PACRG: variants seen among roughly 807,000 people sequenced by gnomAD.
PACRG encodes parkin coregulated.
In PACRG, 29 loss-of-function variants were observed where a neutral mutation model predicts 29.7. The ratio of observed to expected loss-of-function variants is 0.98; its 90% CI spans 0.73 to 1.33. The LOEUF is 1.33. Among genes scored for constraint, PACRG ranks in the 40% most tolerant of loss-of-function variants. The probability of loss-of-function intolerance (pLI) is 0.00; values close to 1 mark genes in which losing one functional copy is unlikely to be tolerated. For missense variants in PACRG, 279 were observed against 316.2 expected (o/e 0.88, Z 0.89); for synonymous variants, 116 against 118.7 (o/e 0.98, Z 0.15).
intron 4 of PACRG, among the ~76,000 whole-genome samples, chr6:163,127,709 A>G (rs1210001447): frequency 6.6e-6 from 1 of 152,196 alleles, no homozygotes; most frequent in Non-Finnish European, 1.5e-5. Flanking sequence ...CTTTATCTTT[A>G]CATTTACAGA....
intron 2 of PACRG, among the ~76,000 whole-genome samples, chr6:162,971,699 G>C (rs913468297): frequency 6.6e-6 from 1 of 152,128 alleles, no homozygotes. Context: ...ATGGAATAAG[G>C]TTTTTAATAT....
chr6:162,822,280 T>C (rs972508679), intron 2 of PACRG, among the ~76,000 whole-genome samples: 2 of 151,964 alleles, frequency 1.3e-5, no homozygotes, highest in Non-Finnish European at 2.9e-5. Context: ...CAAAGCTCCA[T>C]GTTAGCAGGG....
chr6:162,884,699 A>G (rs1584652652), intron 2 of PACRG, among the ~76,000 whole-genome samples: 1 of 152,066 alleles, frequency 6.6e-6, no homozygotes, highest in South Asian at 2.1e-4. Flanking sequence ...CCTGAAATAT[A>G]AAATAACAGT....
intron 2 of PACRG, among the ~76,000 whole-genome samples, chr6:162,835,509 G>A (rs950130425): frequency 1.7e-4 from 26 of 152,010 alleles, no homozygotes; most frequent in African/African-American, 5.6e-4. Context: ...ACAGTAAATT[G>A]GATATCATGT....
At chr6:162,815,880 T>C (rs1044169301) in intron 2 of PACRG, among the ~76,000 whole-genome samples, 1 of 152,124 alleles carries the variant, frequency 6.6e-6, no homozygotes, top group African/African-American at 2.4e-5. Context: ...TATGTCATAA[T>C]TCTTTATAAA....
At chr6:162,945,344 G>A (rs1376055673) in intron 2 of PACRG, among the ~76,000 whole-genome samples, 8 of 151,686 alleles carry the variant, frequency 5.3e-5, no homozygotes, top group Non-Finnish European at 1.5e-5. Context: ...AACCAAAAAC[G>A]GGCAGAAGTA....
upstream of PACRG, among the ~76,000 whole-genome samples, chr6:162,727,487 G>A (rs914170852): frequency 4.6e-5 from 7 of 152,074 alleles, no homozygotes; most frequent in Non-Finnish European, 8.8e-5. Flanking sequence ...CTGGGGCCCC[G>A]GACCCGCGTC....
chr6:162,966,276 A>C (rs575442525), intron 2 of PACRG, among the ~76,000 whole-genome samples: 1 of 152,174 alleles, frequency 6.6e-6, no homozygotes, highest in Non-Finnish European at 1.5e-5. Context: ...GCCCCATGGC[A>C]CTTGGTGCCT....
intron 4 of PACRG, among the ~76,000 whole-genome samples, chr6:163,181,230 A>G (rs938102419): frequency 6.6e-6 from 1 of 151,948 alleles, no homozygotes; most frequent in African/African-American, 2.4e-5. Context: ...TTACTCCCAT[A>G]CCTCGGGCTA....
chr6:163,286,918 A>G (rs1453849401), intron 4 of PACRG, among the ~76,000 whole-genome samples: 1 of 152,106 alleles, frequency 6.6e-6, no homozygotes, highest in Non-Finnish European at 1.5e-5. Context: ...GTATTTGTAT[A>G]TGGATATGTA....
Position 162,763,591 on chromosome 6 carries a change from A to G in PACRG, c.156+35200A>G, listed in dbSNP as rs139236182. ...CAGGCTCTGTTCTCTGAAAATGAGT[A>G]TCACAGTATTTCAACTATTGATAAG... On this transcript the variant is annotated intron_variant, in intron 1 of 4. Coordinates refer to ENST00000366888, the MANE Select transcript of PACRG (RefSeq NM_001080379.2). Among the ~76,000 whole-genome samples, 7 of 152,332 alleles carry G rather than the reference A, an allele frequency of 4.6e-5. No individual in the cohort carries two copies. The East Asian group carries it at 1.4e-3, about 29-fold the overall frequency.
chr6:163,006,850 T>A (rs1805164950), intron 2 of PACRG, among the ~76,000 whole-genome samples: 1 of 152,026 alleles, frequency 6.6e-6, no homozygotes, highest in African/African-American at 2.4e-5. Context: ...AGTATGTTTC[T>A]CGGAGGCAGC....
At chr6:163,253,846 G>A (rs1783002369) in intron 4 of PACRG, among the ~76,000 whole-genome samples, 1 of 152,218 alleles carries the variant, frequency 6.6e-6, no homozygotes. Context: ...CAAAGGACGT[G>A]CTCCCGGCCC....
intron 4 of PACRG, among the ~76,000 whole-genome samples, chr6:163,307,417 A>G (rs1457996953): frequency 6.6e-6 from 1 of 152,238 alleles, no homozygotes. Context: ...AATGTCAACA[A>G]GATCTGAGAA....
chr6:162,925,358 C>T (rs1797357968), intron 2 of PACRG, among the ~76,000 whole-genome samples: 2 of 151,908 alleles, frequency 1.3e-5, no homozygotes, highest in Non-Finnish European at 2.9e-5. Context: ...AGAGACACAA[C>T]AAAAAAAGAA....
intron 4 of PACRG, chr6:163,244,869 G>A: frequency 1.9e-5 from 5 of 266,124 alleles, no homozygotes; most frequent in Middle Eastern, 4.3e-4. Context: ...CTAAAAAATT[G>A]CAGAGCTGTA....
chr6:162,782,625 C>T (rs13194619), intron 1 of PACRG, among the ~76,000 whole-genome samples: 12,610 of 151,716 alleles, frequency 0.083, 664 homozygotes, highest in Middle Eastern at 0.17. Context: ...ATTAATTTAA[C>T]TGTCACTCTT....
intron 1 of PACRG, among the ~76,000 whole-genome samples, chr6:162,813,825 G>C (rs4709652): frequency 0.067 from 10,171 of 152,032 alleles, 455 homozygotes; most frequent in East Asian, 0.28. Flanking sequence ...CATTCTAAGC[G>C]TAAGACACCT....
intron 4 of PACRG, among the ~76,000 whole-genome samples, chr6:163,230,126 C>T (rs185270650): frequency 2.8e-4 from 42 of 152,230 alleles, no homozygotes; most frequent in Admixed American, 1.6e-3. Flanking sequence ...AGAGAATGTA[C>T]GTCTATATAT....
Sources: gnomAD v4.1 joint callset for allele counts (sites outside exome capture counted in the v4.1 genomes callset) on GRCh38, gnomAD v4.1.1 for gene constraint, MANE v1.5 for transcripts, NCBI Gene and HGNC (gene_info 2026-07-23, HGNC 2026-07-21) for gene names.